Variants in SLC25A20 observed in about 807,000 individuals in gnomAD.
SLC25A20 encodes the protein mitochondrial carnitine/acylcarnitine carrier protein.
SLC25A20 carries 29 observed loss-of-function variants against 39.7 expected under a neutral mutation model. The ratio of observed to expected loss-of-function variants is 0.73; its 90% CI spans 0.54 to 1.00. The LOEUF (loss-of-function observed/expected upper bound fraction) is 1.00, where lower values mean the gene tolerates loss of function less well. SLC25A20 is among the 50% of genes least tolerant of loss of function. SLC25A20 has a pLI of 0.00. For synonymous variants in SLC25A20, 103 were observed against 142.2 expected (o/e 0.72, Z 1.96); for missense variants, 333 against 379.9 (o/e 0.88, Z 1.03).
At chr3:48,886,757 G>T (rs76037525) in intron 2 of SLC25A20, among the ~76,000 whole-genome samples, 3,063 of 152,148 alleles carry the variant, frequency 0.02, 47 homozygotes, top group Non-Finnish European at 0.033. Flanking sequence ...GAGACGGGAG[G>T]ATCACTTGAG....
rs1257374907 is a variant in SLC25A20, at chr3:48,878,262, CAAAA to C, written c.417+1092_417+1095del. ...GCGACAGAGCGAGACTCCATCTCCA[CAAAA>C]AAAAAAAATATATATATATATATAT... On this transcript the variant is annotated intron_variant, in intron 4 of 8. Transcript: ENST00000319017. 2.5e-3 allele frequency among the ~76,000 whole-genome samples: 264 copies of C among 106,850 alleles called. 1 individual carries two copies. Among genetic ancestry groups the C allele is most frequent in the East Asian group, 0.014 (49 of 3,554 alleles). 70.1% of individuals were successfully genotyped at this position (106,850 alleles called of 152,430 possible).
At chr3:48,886,314 C>A (rs1038680239) in intron 2 of SLC25A20, among the ~76,000 whole-genome samples, 4 of 152,006 alleles carry the variant, frequency 2.6e-5, no homozygotes, top group African/African-American at 9.7e-5. Context: ...CACCTGAGGT[C>A]GGGAGTTCGA....
intron 4 of SLC25A20, among the ~76,000 whole-genome samples, chr3:48,871,907 C>G (rs1041137080): frequency 6.6e-6 from 1 of 150,982 alleles, no homozygotes; most frequent in Non-Finnish European, 1.5e-5. Flanking sequence ...GCAGCCTTAA[C>G]TTCCTGGGCT....
intron 2 of SLC25A20, 58 bp downstream of exon 2, chr3:48,891,922 C>A: frequency 7.2e-7 from 1 of 1,380,058 alleles, no homozygotes; most frequent in Non-Finnish European, 1.0e-6. Context: ...TTGGGGGTAA[C>A]AAATCAACCC....
chr3:48,857,658 T>C lies in SLC25A20; in HGVS notation c.*52A>G, dbSNP rs1399634044. 1 of 1,555,298 alleles carries C rather than the reference T, an allele frequency of 6.4e-7. No homozygotes were observed. On this transcript the variant is annotated 3_prime_UTR_variant, in exon 9 of 9. Coordinates refer to ENST00000319017, the MANE Select transcript of SLC25A20 (RefSeq NM_000387.6). ...GCTTAGTTCTGCTTACTACTCCTTCTCCTCAACGACAGCTTCCAGCATCCA... is the reference window on the plus strand; with the variant it reads ...GCTTAGTTCTGCTTACTACTCCTTCCCCTCAACGACAGCTTCCAGCATCCA...
At chr3:48,897,368 T>TATATATA (rs376693163) in intron 1 of SLC25A20, among the ~76,000 whole-genome samples, 33 of 59,828 alleles carry the variant, frequency 5.5e-4, no homozygotes, top group African/African-American at 1.7e-3. Flanking sequence ...TATATATATA[T>TATATATA]TTTTTTTTTT....
intron 3 of SLC25A20, among the ~76,000 whole-genome samples, chr3:48,883,435 G>A (rs955693537): frequency 1.3e-5 from 2 of 150,668 alleles, no homozygotes; most frequent in African/African-American, 4.9e-5. Flanking sequence ...CCTGTAATCC[G>A]AGCTACTTGG....
chr3:48,889,865 C>A (rs183814910), intron 2 of SLC25A20, among the ~76,000 whole-genome samples: 1 of 152,028 alleles, frequency 6.6e-6, no homozygotes, highest in Non-Finnish European at 1.5e-5. Flanking sequence ...AAGAAATAAC[C>A]GGCAGGTATA....
At chr3:48,864,420 ACTCT>A (rs2083650775) in intron 4 of SLC25A20, among the ~76,000 whole-genome samples, 1 of 151,218 alleles carries the variant, frequency 6.6e-6, no homozygotes, top group African/African-American at 2.4e-5. Flanking sequence ...TATAAATAAA[ACTCT>A]AAAATATCTG....
At chr3:48,872,495 G>A (rs1314931717) in intron 4 of SLC25A20, among the ~76,000 whole-genome samples, 1 of 150,810 alleles carries the variant, frequency 6.6e-6, no homozygotes, top group East Asian at 2.0e-4. Flanking sequence ...TTCAATAAAT[G>A]ATATAAGCGG....
chr3:48,869,778 C>T (rs2083701020), intron 4 of SLC25A20, among the ~76,000 whole-genome samples: 2 of 152,040 alleles, frequency 1.3e-5, no homozygotes, highest in Non-Finnish European at 2.9e-5. Context: ...GACCACTACA[C>T]TCCAGCCATG....
intron 6 of SLC25A20, 142 bp from the exon 7 acceptor site, chr3:48,859,343 C>T (rs1181896367): frequency 1.2e-6 from 1 of 851,616 alleles, no homozygotes; most frequent in African/African-American, 1.7e-5. Context: ...GCTGCTGGCA[C>T]TCCTTGGAGA....
rs2083585165 is a variant in SLC25A20, at chr3:48,857,054, CTG to C, written c.*654_*655del. On this transcript the variant is annotated 3_prime_UTR_variant, in exon 9 of 9. Coordinates refer to ENST00000319017, the MANE Select transcript of SLC25A20 (RefSeq NM_000387.6). ...TCCCAGCAGACTGGGACTGTCCTCA[CTG>C]TGTAGGAGGGAAAGTTCTCCACCTG... 1 of 154,166 alleles carries C rather than the reference CTG, an allele frequency of 6.5e-6. No individual in the cohort carries two copies. The highest frequency in any genetic ancestry group is 1.4e-5 in the Non-Finnish European group (1 of 69,390). The allele number at this position is 154,166 out of a possible 1,614,324, so 9.5% of individuals were successfully genotyped here.
chr3:48,859,238 G>T (rs753303147), intron 6 of SLC25A20, 37 bp from the exon 7 acceptor site: 3 of 1,572,334 alleles, frequency 1.9e-6, no homozygotes, highest in Admixed American at 1.7e-5. Flanking sequence ...TTAGACAAAG[G>T]CTGTGAGAGT....
At chr3:48,873,409 GACC>G (rs1221406913) in intron 4 of SLC25A20, among the ~76,000 whole-genome samples, 4 of 150,440 alleles carry the variant, frequency 2.7e-5, no homozygotes, top group Admixed American at 6.7e-5. Flanking sequence ...AGGAGATCGA[GACC>G]ATCCTGCCCA....
Position 48,859,141 on chromosome 3 carries a change from G to A in SLC25A20, c.669C>T (p.Asn223=), listed in dbSNP as rs777168814. ...CATCTGGGGGGATTGCCACAGCCCAGTTGAAGATCCCTGCAATGCCCCCAG... is the reference window on the plus strand; with the variant it reads ...CATCTGGGGGGATTGCCACAGCCCAATTGAAGATCCCTGCAATGCCCCCAG... The part of the protein sequence containing the change: ...LVAGGIAGIF[N]WAVAIPPDVL... The change falls in exon 7 of 9, where the codon AAC becomes AAT. Residue 223 remains asparagine (N), a synonymous_variant. Transcript: ENST00000319017. The A allele has an allele frequency of 1.4e-5, 23 of 1,613,986 alleles. No individual in the cohort carries two copies. The highest frequency in any genetic ancestry group is 1.7e-5 in the Non-Finnish European group (20 of 1,180,030).
At chr3:48,862,818 G>A (rs983267644) in intron 4 of SLC25A20, among the ~76,000 whole-genome samples, 159 bp from the exon 5 acceptor site, 1 of 152,174 alleles carries the variant, frequency 6.6e-6, no homozygotes, top group African/African-American at 2.4e-5. Flanking sequence ...CTTGGGGCAG[G>A]TACTATGAAA....
chr3:48,886,253 G>A (rs1326952622), intron 2 of SLC25A20, among the ~76,000 whole-genome samples: 4 of 152,044 alleles, frequency 2.6e-5, no homozygotes, highest in East Asian at 1.9e-4. Context: ...GGCCGGGTGC[G>A]GTGGCTCATG....
intron 2 of SLC25A20, among the ~76,000 whole-genome samples, chr3:48,888,262 G>A (rs1049807010): frequency 6.7e-6 from 1 of 149,924 alleles, no homozygotes; most frequent in Non-Finnish European, 1.5e-5. Flanking sequence ...AAGGACGGTT[G>A]GGCAGGCACT....
Sources: allele counts gnomAD v4.1 joint callset (sites outside exome capture counted in the v4.1 genomes callset), GRCh38; gene constraint gnomAD v4.1.1; transcripts MANE v1.5; gene names NCBI Gene and HGNC (gene_info 2026-07-23, HGNC 2026-07-21).